The following DNA2 variants were observed in gnomAD, a reference collection of about 807,000 sequenced individuals.
DNA2 encodes the protein DNA replication ATP-dependent helicase/nuclease DNA2.
Under a neutral mutation model 119.1 loss-of-function variants are expected in DNA2, and 101 were observed. The observed-to-expected ratio is 0.85, with a 90% CI of 0.72 to 1.00. DNA2 has a LOEUF of 1.00. Among genes scored for constraint, DNA2 ranks in the 50% least tolerant of loss-of-function variants. The pLI is 0.00. For synonymous variants in DNA2, 366 were observed against 424.4 expected (o/e 0.86, Z 1.69); for missense variants, 1,121 against 1,255.5 (o/e 0.89, Z 1.62).
intron 14 of DNA2, among the ~76,000 whole-genome samples, chr10:68,429,102 AAAAT>A: frequency 6.6e-6 from 1 of 152,296 alleles, no homozygotes; most frequent in East Asian, 1.9e-4. Flanking sequence ...ATATTAGACA[AAAAT>A]ATGCTAGCAT....
At chr10:68,464,367 T>C (rs1166726966) in intron 4 of DNA2, among the ~76,000 whole-genome samples, 3 of 151,570 alleles carry the variant, frequency 2.0e-5, no homozygotes, top group African/African-American at 7.3e-5. Context: ...ACAAAAAAAT[T>C]AGCCGGGTGT....
At position 68,425,088 on chromosome 10, in the gene DNA2, C is replaced by CTTTT. The variant is rs60065153; in HGVS notation, c.2209-2202_2209-2199dup. ...TTTTCAGAATGTCTCTGGAACATTT[C>CTTTT]TTTTTTTTTTTTTTTTTTTTTTTTG... On this transcript the variant is annotated intron_variant, in intron 14 of 20. Transcript: ENST00000358410. The CTTTT allele has an allele frequency of 4.9e-3, 639 of 130,758 alleles. 2 individuals carry two copies. The highest frequency in any genetic ancestry group is 0.011 in the African/African-American group (202 of 17,930). 8.1% of individuals were successfully genotyped at this position (130,758 alleles called of 1,614,324 possible).
intron 5 of DNA2, among the ~76,000 whole-genome samples, chr10:68,450,894 T>C (rs1266276408): frequency 6.6e-6 from 1 of 150,416 alleles, no homozygotes; most frequent in African/African-American, 2.4e-5. Flanking sequence ...AGTTCAGGAG[T>C]TCAAGACCAG....
chr10:68,424,218 AC>A (rs1407466770), intron 14 of DNA2, among the ~76,000 whole-genome samples: 3 of 152,178 alleles, frequency 2.0e-5, no homozygotes, highest in African/African-American at 7.2e-5. Flanking sequence ...AAATATGATA[AC>A]TGGGCCAGGT....
At position 68,414,750 on chromosome 10, in the gene DNA2, A is replaced by G. The variant is rs569824892; in HGVS notation, c.*289T>C. ...TCTTTCAAATAAAGTTCTTACAATG[A>G]TATCTACAAAATCAAATTAGTCCTG... is the stretch of plus-strand genomic sequence containing the variant. On this transcript the variant is annotated 3_prime_UTR_variant, in exon 21 of 21. Coordinates refer to ENST00000358410, the MANE Select transcript of DNA2 (RefSeq NM_001080449.3). 35 of 287,052 alleles carry G rather than the reference A, an allele frequency of 1.2e-4. No homozygotes were observed. The highest frequency in any genetic ancestry group is 6.9e-4 in the African/African-American group (32 of 46,448). The allele number at this position is 287,052 out of a possible 1,614,324, so 17.8% of individuals were successfully genotyped here. A position where few individuals can be genotyped will look rare whatever the true frequency, so the allele number is the denominator to read the frequency against.
chr10:68,461,674 C>T (rs1215581339), intron 4 of DNA2: 1 of 151,614 alleles, frequency 6.6e-6, no homozygotes, highest in African/African-American at 2.4e-5. Context: ...ACTAAAAATA[C>T]AAAATTAGCC....
At chr10:68,447,105 A>C (rs529764761) in intron 6 of DNA2, among the ~76,000 whole-genome samples, 1 of 152,290 alleles carries the variant, frequency 6.6e-6, no homozygotes, top group East Asian at 1.9e-4. Flanking sequence ...AAAATATCTC[A>C]TGTAATCCAT....
At chr10:68,443,132 T>C in intron 8 of DNA2, 21 bp from the exon 9 acceptor site, 1 of 1,537,030 alleles carries the variant, frequency 6.5e-7, no homozygotes, top group Non-Finnish European at 8.8e-7. Context: ...AGTTCCAAGT[T>C]AGAGATGCTT....
rs746057053 is a variant in DNA2, at chr10:68,416,855, C to CT, written c.2968-1_2968insA (p.Val990SerfsTer3). 3 of 1,602,576 alleles carry CT rather than the reference C, an allele frequency of 1.9e-6. No homozygotes were observed. The highest frequency in any genetic ancestry group is 1.7e-5 in the Admixed American group (1 of 57,514). On this transcript the variant is annotated frameshift_variant and splice_region_variant. Transcript: ENST00000358410. LOFTEE classifies it high-confidence loss of function. Reference sequence around the variant, plus strand: ...CGCCAATCTTTCAAGAGTTCACCAACCTGTAAGAAATATAATTTTCAATTA... The same window carrying CT: ...CGCCAATCTTTCAAGAGTTCACCAACTCTGTAAGAAATATAATTTTCAATTA...
chr10:68,450,130 T>A lies in DNA2; in HGVS notation c.837A>T (p.Thr279=). Residue 279 remains threonine, a synonymous_variant, in exon 6 of 21, where the codon ACA becomes ACT. Transcript: ENST00000358410. ...RFGLKGKIDV[T]VGVKIHRGYK... is the part of the protein sequence containing the mutation. ...ACCCTCGATGTATTTTCACACCAACTGTAACATCTATTTTGCCTTTCAATC... is the reference window on the plus strand; with the variant it reads ...ACCCTCGATGTATTTTCACACCAACAGTAACATCTATTTTGCCTTTCAATC... 6.2e-7 allele frequency: 1 copy of A among 1,607,628 alleles called. No individual in the cohort carries two copies. The highest frequency in any genetic ancestry group is 8.5e-7 in the Non-Finnish European group (1 of 1,176,542).
intron 9 of DNA2, among the ~76,000 whole-genome samples, chr10:68,440,411 C>A (rs766745823): frequency 6.6e-6 from 1 of 152,050 alleles, no homozygotes; most frequent in Non-Finnish European, 1.5e-5. Flanking sequence ...GATTCTCCTG[C>A]CTCAGCCTTG....
chr10:68,470,304 T>C (rs1748832744), intron 1 of DNA2, 141 bp from the exon 2 acceptor site: 2 of 701,362 alleles, frequency 2.9e-6, no homozygotes. Context: ...TTAGACAAAA[T>C]AGGTAAAATT....
intron 5 of DNA2, among the ~76,000 whole-genome samples, chr10:68,454,582 G>C (rs1046783973): frequency 6.6e-6 from 1 of 152,066 alleles, no homozygotes; most frequent in African/African-American, 2.4e-5. Flanking sequence ...GAGGTGGGTG[G>C]ATCACCTAAG....
intron 6 of DNA2, among the ~76,000 whole-genome samples, chr10:68,448,968 C>CGCGT (rs1203956193): frequency 3.3e-4 from 36 of 109,606 alleles, no homozygotes; most frequent in African/African-American, 1.3e-3. Context: ...TGTGTGTGTG[C>CGCGT]GTGTGTGTGT....
chr10:68,458,790 G>A (rs887800798), intron 5 of DNA2, among the ~76,000 whole-genome samples: 5 of 152,078 alleles, frequency 3.3e-5, no homozygotes, highest in African/African-American at 9.7e-5. Context: ...GGAGGTTGCC[G>A]GGAGCAGAGA....
intron 1 of DNA2, chr10:68,470,381 T>A (rs778660987): frequency 1.0e-5 from 5 of 491,678 alleles, no homozygotes; most frequent in Non-Finnish European, 1.8e-5. Context: ...ATTTCAAACA[T>A]GCTCATGATA....
chr10:68,440,879 C>A (rs1345314548), intron 9 of DNA2, among the ~76,000 whole-genome samples: 1 of 152,072 alleles, frequency 6.6e-6, no homozygotes, highest in Non-Finnish European at 1.5e-5. Context: ...AAGAAAAATA[C>A]TACGCAAAGA....
At chr10:68,472,338 TG>T (rs544665553), upstream of DNA2, among the ~76,000 whole-genome samples, 75 of 152,274 alleles carry the variant, frequency 4.9e-4, no homozygotes, top group African/African-American at 1.6e-3. Flanking sequence ...CCTTCAGAAT[TG>T]TGCACTCCCT....
chr10:68,448,031 C>T (rs2052065742), intron 6 of DNA2, among the ~76,000 whole-genome samples: 1 of 151,626 alleles, frequency 6.6e-6, no homozygotes, highest in African/African-American at 2.4e-5. Flanking sequence ...GTTCATGCTT[C>T]TCAGTTTTAC....
Sources: allele counts gnomAD v4.1 joint callset (sites outside exome capture counted in the v4.1 genomes callset), GRCh38; gene constraint gnomAD v4.1.1; transcripts MANE v1.5; gene names NCBI Gene and HGNC (gene_info 2026-07-23, HGNC 2026-07-21).